The following PTAR1 variants were observed in gnomAD, a reference collection of about 807,000 sequenced individuals.
PTAR1 encodes the protein protein prenyltransferase alpha subunit repeat containing 1, also known as protein prenyltransferase alpha subunit repeat-containing protein 1.
In PTAR1, 17 loss-of-function variants were observed where a neutral mutation model predicts 45.5. The observed-to-expected ratio is 0.37, with a 90% CI of 0.26 to 0.56. PTAR1 has a LOEUF of 0.56. Among genes scored for constraint, PTAR1 ranks in the 20% least tolerant of loss-of-function variants. PTAR1 has a pLI of 0.77. For synonymous variants in PTAR1, 169 were observed against 171.3 expected (o/e 0.99, Z 0.11); for missense variants, 391 against 476.3 (o/e 0.82, Z 1.67).
At chr9:69,732,572 G>GA (rs758557900) in intron 4 of PTAR1, among the ~76,000 whole-genome samples, 1,527 of 141,132 alleles carry the variant, frequency 0.011, 18 homozygotes, top group African/African-American at 0.032. Flanking sequence ...GGATAAACAG[G>GA]AAAAAAAAAA....
chr9:69,754,069 C>T (rs1429685854), intron 1 of PTAR1, among the ~76,000 whole-genome samples: 1 of 152,152 alleles, frequency 6.6e-6, no homozygotes, highest in Non-Finnish European at 1.5e-5. Flanking sequence ...AAACATTACA[C>T]ATACTTTGTA....
At chr9:69,743,498 A>G (rs1466351077) in intron 2 of PTAR1, among the ~76,000 whole-genome samples, 1 of 152,176 alleles carries the variant, frequency 6.6e-6, no homozygotes, top group African/African-American at 2.4e-5. Context: ...CCATGATTTC[A>G]TTACTAGTGA....
chr9:69,720,258 A>T (rs952093117), intron 6 of PTAR1, among the ~76,000 whole-genome samples: 1 of 152,222 alleles, frequency 6.6e-6, no homozygotes, highest in Non-Finnish European at 1.5e-5. Flanking sequence ...CACACAAATG[A>T]TAAGCGAAAC....
At chr9:69,723,674 G>T (rs750633530) in intron 5 of PTAR1, 44 bp from the exon 6 acceptor site, 15 of 1,433,638 alleles carry the variant, frequency 1.0e-5, no homozygotes, top group Middle Eastern at 1.8e-4. Flanking sequence ...AGTTCCCAAA[G>T]GTTCTTCTTT....
intron 2 of PTAR1, among the ~76,000 whole-genome samples, chr9:69,744,283 T>C (rs1342840677): frequency 6.6e-6 from 1 of 152,122 alleles, no homozygotes; most frequent in East Asian, 1.9e-4. Context: ...ACCTGCTTGC[T>C]ATTCTTTCTG....
rs764484504 is a variant in PTAR1, at chr9:69,718,700, G to A, written c.948-16C>T. ...AATATGCCGCCTGCGATAGAGAGGG[G>A]AAGGAAGAGAATAAAGAAAATCACA... On this transcript the variant is annotated splice_polypyrimidine_tract_variant and intron_variant, in intron 6 of 7. Coordinates refer to ENST00000340434, the MANE Select transcript of PTAR1 (RefSeq NM_001099666.2). The A allele has an allele frequency of 6.6e-7, 1 of 1,512,976 alleles. No individual in the cohort carries two copies. Among genetic ancestry groups the A allele is most frequent in the Admixed American group, 2.2e-5 (1 of 45,028 alleles). The allele number at this position is 1,512,976 out of a possible 1,614,324, so 93.7% of individuals were successfully genotyped here.
At chr9:69,743,593 T>G (rs1328618222) in intron 2 of PTAR1, among the ~76,000 whole-genome samples, 2 of 152,210 alleles carry the variant, frequency 1.3e-5, no homozygotes, top group Non-Finnish European at 2.9e-5. Flanking sequence ...TTACATACAT[T>G]ACAACACAAT....
rs556774098 is a variant in PTAR1 at position 69,736,437 on chromosome 9, G to T, written c.324-2183C>A. ...CTGGGCATGGTGGCACGCACCTGTA[G>T]TCCCAGCTACTTGGGAGGCTGAGGC... On this transcript the variant is annotated intron_variant, in intron 3 of 7. Coordinates refer to ENST00000340434, the MANE Select transcript of PTAR1 (RefSeq NM_001099666.2). 3.9e-5 allele frequency among the ~76,000 whole-genome samples: 6 copies of T among 152,252 alleles called. No homozygotes were observed. The East Asian group carries it at 1.2e-3, about 29-fold the overall frequency.
At chr9:69,727,576 A>T (rs552762997) in intron 5 of PTAR1, among the ~76,000 whole-genome samples, 49 of 152,074 alleles carry the variant, frequency 3.2e-4, no homozygotes, top group Admixed American at 5.2e-4. Context: ...AGCATCACAA[A>T]TTGAACAGGG....
intron 1 of PTAR1, chr9:69,757,913 T>C (rs2150045): frequency 0.94 from 143,111 of 152,224 alleles, 67,287 homozygotes; most frequent in Middle Eastern, 0.99. Context: ...GGAATATGTA[T>C]TCAAATATAG....
rs565642329 is a variant in PTAR1 at position 69,733,525 on chromosome 9, T to C, written c.428+625A>G. Reference sequence around the variant, plus strand: ...AGTTACACAGGGTCCAAGAGGAAGATGGTTCCAGGTGGCCAGGATTTTGAG... The same window carrying C: ...AGTTACACAGGGTCCAAGAGGAAGACGGTTCCAGGTGGCCAGGATTTTGAG... On this transcript the variant is annotated intron_variant, in intron 4 of 7. Transcript: ENST00000340434. Among the ~76,000 whole-genome samples the C allele has an allele frequency of 6.6e-5, 10 of 152,272 alleles. No homozygotes were observed. The East Asian group carries it at 1.7e-3, about 26-fold the overall frequency.
Position 69,750,335 on chromosome 9 carries a change from C to T in PTAR1, c.256+446G>A, listed in dbSNP as rs548068935. 2.6e-5 allele frequency among the ~76,000 whole-genome samples: 4 copies of T among 152,188 alleles called. No homozygotes were observed. In the East Asian group the frequency reaches 7.7e-4, roughly 29 times the overall value. ...AAATCACTGGGCTGGTTCATAATAT[C>T]ACTACCACTATCATGCCTACATTAT... On this transcript the variant is annotated intron_variant, in intron 2 of 7. Coordinates refer to ENST00000340434, the MANE Select transcript of PTAR1 (RefSeq NM_001099666.2).
Position 69,734,233 on chromosome 9 carries a change from G to T in PTAR1, c.345C>A (p.Gly115=), listed in dbSNP as rs1825677426. 3 of 951,922 alleles carry T rather than the reference G, an allele frequency of 3.2e-6. No individual in the cohort carries two copies. The highest frequency in any genetic ancestry group is 4.7e-6 in the Non-Finnish European group (3 of 634,004). 59.0% of individuals were successfully genotyped at this position (951,922 alleles called of 1,614,324 possible). ...GTAAATCCTTAATTGGATTTAAAGT[G>T]CCAGAGAGGATCAGCTCTTTCCTGT... ...WNVRKELILS[G]TLNPIKDLHL... Residue 115 remains glycine (G), a synonymous_variant, in exon 4 of 8, where the codon GGC becomes GGA. Coordinates refer to ENST00000340434, the MANE Select transcript of PTAR1 (RefSeq NM_001099666.2).
intron 3 of PTAR1, among the ~76,000 whole-genome samples, chr9:69,734,780 T>C (rs927497828): frequency 6.6e-6 from 1 of 152,210 alleles, no homozygotes; most frequent in African/African-American, 2.4e-5. Flanking sequence ...CTATTTTTTA[T>C]TTTTGAATTT....
rs1824805705 is a variant in PTAR1, at chr9:69,718,137, A to C, written c.*205T>G. 5 of 476,792 alleles carry C rather than the reference A, an allele frequency of 1.0e-5. No homozygotes were observed. The East Asian group carries it at 1.3e-4, about 12-fold the overall frequency. 29.5% of individuals were successfully genotyped at this position (476,792 alleles called of 1,614,324 possible). ...ATTTAAGACTCGCTGTTCAGCAGGA[A>C]GGAACTATACGATTATTTTATCCCC... On this transcript the variant is annotated 3_prime_UTR_variant, in exon 8 of 8. Transcript: ENST00000340434.
At chr9:69,724,459 C>CA in intron 5 of PTAR1, among the ~76,000 whole-genome samples, 1 of 152,292 alleles carries the variant, frequency 6.6e-6, no homozygotes, top group South Asian at 2.1e-4. Context: ...CACGTTCCGT[C>CA]AGAGGATTTT....
Position 69,718,584 on chromosome 9 carries a change from A to G in PTAR1, c.983-16T>C. ...TGGGAGCCTGCTGGGATAAGGTGCAAGTCACTCAAAGTCCCCCCAGGGCTG... is the reference window on the plus strand; with the variant it reads ...TGGGAGCCTGCTGGGATAAGGTGCAGGTCACTCAAAGTCCCCCCAGGGCTG... On this transcript the variant is annotated splice_polypyrimidine_tract_variant and intron_variant, in intron 7 of 7. Transcript: ENST00000340434. 3 of 1,613,584 alleles carry G rather than the reference A, an allele frequency of 1.9e-6. No individual in the cohort carries two copies. Among genetic ancestry groups the G allele is most frequent in the South Asian group, 1.1e-5 (1 of 91,072 alleles).
intron 5 of PTAR1, chr9:69,731,930 C>A (rs1356564498): frequency 1.6e-5 from 9 of 580,396 alleles, no homozygotes; most frequent in Non-Finnish European, 2.1e-5. Flanking sequence ...AATGCACTAG[C>A]CTTAAGACTG....
At chr9:69,746,498 G>T (rs1421011504) in intron 2 of PTAR1, among the ~76,000 whole-genome samples, 1 of 152,140 alleles carries the variant, frequency 6.6e-6, no homozygotes, top group East Asian at 1.9e-4. Context: ...ATCAACGGTT[G>T]TAACTATTTG....
Sources: allele counts gnomAD v4.1 joint callset (sites outside exome capture counted in the v4.1 genomes callset), GRCh38; gene constraint gnomAD v4.1.1; transcripts MANE v1.5; gene names NCBI Gene and HGNC (gene_info 2026-07-23, HGNC 2026-07-21).